The following AIG1 variants were observed in gnomAD, a reference collection of about 807,000 sequenced individuals.
AIG1 encodes the protein androgen induced 1.
AIG1 carries 23 observed loss-of-function variants against 31.4 expected under a neutral mutation model. That is an observed-to-expected ratio of 0.73 (90% CI 0.53 to 1.04). The LOEUF (loss-of-function observed/expected upper bound fraction) is 1.04, where lower values mean the gene tolerates loss of function less well. Among genes scored for constraint, AIG1 ranks in the 50% least tolerant of loss-of-function variants. The pLI is 0.00. For missense variants in AIG1, 274 were observed against 295.0 expected (o/e 0.93, Z 0.52); for synonymous variants, 100 against 110.5 (o/e 0.90, Z 0.60).
intron 1 of AIG1, among the ~76,000 whole-genome samples, chr6:143,130,515 A>T (rs1166591379): frequency 6.6e-6 from 1 of 151,472 alleles, no homozygotes; most frequent in East Asian, 2.0e-4. Flanking sequence ...AGGAGTTCGA[A>T]ACCTGCCAGT....
intron 3 of AIG1, chr6:143,189,339 C>T (rs1789578259): frequency 2.2e-6 from 2 of 916,406 alleles, no homozygotes; most frequent in African/African-American, 1.8e-5. Flanking sequence ...CCTCAGCCTT[C>T]CTGAAGTCCT....
chr6:143,061,626 A>G (rs971418081), intron 1 of AIG1: 10 of 287,438 alleles, frequency 3.5e-5, no homozygotes, highest in Admixed American at 8.9e-5. Flanking sequence ...TCAATAATTT[A>G]CTTTCAACCT....
At chr6:143,196,553 G>C (rs1213425104) in intron 3 of AIG1, among the ~76,000 whole-genome samples, 1 of 152,168 alleles carries the variant, frequency 6.6e-6, no homozygotes, top group African/African-American at 2.4e-5. Context: ...GATTCAAAAA[G>C]GGAAATGTAC....
At chr6:143,313,433 A>G (rs1339614552) in intron 4 of AIG1, among the ~76,000 whole-genome samples, 1 of 152,142 alleles carries the variant, frequency 6.6e-6, no homozygotes, top group Non-Finnish European at 1.5e-5. Flanking sequence ...TCATTACGTT[A>G]AGTGAAATAA....
At chr6:143,126,361 C>T (rs1782688532) in intron 1 of AIG1, 1 of 152,146 alleles carries the variant, frequency 6.6e-6, no homozygotes, top group Admixed American at 6.5e-5. Context: ...TCAGATGTCT[C>T]AGGCAAGGAA....
At chr6:143,094,935 A>G (rs1332400195) in intron 1 of AIG1, among the ~76,000 whole-genome samples, 1 of 152,168 alleles carries the variant, frequency 6.6e-6, no homozygotes, top group East Asian at 1.9e-4. Flanking sequence ...ACAGAGCACA[A>G]TGCCATGAGT....
At chr6:143,064,077 G>A (rs145242797) in intron 1 of AIG1, among the ~76,000 whole-genome samples, 93 of 152,296 alleles carry the variant, frequency 6.1e-4, no homozygotes, top group African/African-American at 2.1e-3. Flanking sequence ...CACTGTCTTG[G>A]TGTGGTAGGC....
At chr6:143,077,144 C>T (rs1444877849) in intron 1 of AIG1, among the ~76,000 whole-genome samples, 1 of 152,090 alleles carries the variant, frequency 6.6e-6, no homozygotes, top group Non-Finnish European at 1.5e-5. Flanking sequence ...ACTTTACCCT[C>T]CTTGATTTGT....
intron 3 of AIG1, among the ~76,000 whole-genome samples, chr6:143,226,063 C>G (rs545495720): frequency 6.6e-6 from 1 of 152,012 alleles, no homozygotes; most frequent in Non-Finnish European, 1.5e-5. Context: ...TTGTAATTGC[C>G]GGTGAATCTT....
chr6:143,068,843 A>G (rs1289843906), intron 1 of AIG1, among the ~76,000 whole-genome samples: 2 of 152,194 alleles, frequency 1.3e-5, no homozygotes, highest in Non-Finnish European at 2.9e-5. Flanking sequence ...AGAAAAAATC[A>G]TATTCTTTAA....
chr6:143,075,069 T>C (rs1777610946), intron 1 of AIG1, among the ~76,000 whole-genome samples: 1 of 152,256 alleles, frequency 6.6e-6, no homozygotes, highest in Admixed American at 6.5e-5. Flanking sequence ...ATCTTTCAAA[T>C]AATTGGTCAA....
intron 1 of AIG1, among the ~76,000 whole-genome samples, chr6:143,116,417 G>A (rs988493075): frequency 6.6e-6 from 1 of 152,052 alleles, no homozygotes; most frequent in Admixed American, 6.6e-5. Flanking sequence ...CATTTGGCAA[G>A]TATTTATTGA....
intron 4 of AIG1, among the ~76,000 whole-genome samples, chr6:143,313,536 G>A (rs1291465918): frequency 6.6e-6 from 1 of 152,078 alleles, no homozygotes; most frequent in African/African-American, 2.4e-5. Flanking sequence ...GGTAGTGGAA[G>A]GATGGTTATC....
intron 3 of AIG1, among the ~76,000 whole-genome samples, chr6:143,270,847 G>A (rs553125737): frequency 6.6e-6 from 1 of 152,322 alleles, no homozygotes; most frequent in Non-Finnish European, 1.5e-5. Flanking sequence ...TTGTGTGTGT[G>A]TGCATGGATG....
chr6:143,136,476 A>C (rs1783763194), intron 1 of AIG1, among the ~76,000 whole-genome samples: 1 of 152,186 alleles, frequency 6.6e-6, no homozygotes, highest in Non-Finnish European at 1.5e-5. Flanking sequence ...CATAGATGTG[A>C]TTTAGACATG....
chr6:143,302,659 A>G (rs936922648), intron 4 of AIG1, among the ~76,000 whole-genome samples: 5 of 152,102 alleles, frequency 3.3e-5, no homozygotes, highest in African/African-American at 7.2e-5. Flanking sequence ...AGTCTTTGCT[A>G]TTGTGAATAG....
chr6:143,289,915 T>C (rs1397152431), intron 4 of AIG1, among the ~76,000 whole-genome samples: 1 of 152,222 alleles, frequency 6.6e-6, no homozygotes, highest in Non-Finnish European at 1.5e-5. Context: ...CAGATGTTTC[T>C]TCACCAGTTA....
intron 4 of AIG1, among the ~76,000 whole-genome samples, chr6:143,323,636 T>C (rs1776392665): frequency 6.6e-6 from 1 of 152,130 alleles, no homozygotes. Flanking sequence ...TTGAGCCCTG[T>C]TTCCATCTAA....
chr6:143,120,577 G>A lies in AIG1; in HGVS notation c.142-16258G>A, dbSNP rs373777197. Among the ~76,000 whole-genome samples, 9 of 152,212 alleles carry A rather than the reference G, an allele frequency of 5.9e-5. No homozygotes were observed. The East Asian group carries it at 1.2e-3, about 20-fold the overall frequency. On this transcript the variant is annotated intron_variant, in intron 1 of 5. Coordinates refer to ENST00000357847, the MANE Select transcript of AIG1 (RefSeq NM_016108.4). ...TCTCATGAGACTTATTCACTATCAC[G>A]AGAACAGCATGGGAAAACCTGCCTC...
Sources: allele counts gnomAD v4.1 joint callset (sites outside exome capture counted in the v4.1 genomes callset), GRCh38; gene constraint gnomAD v4.1.1; transcripts MANE v1.5; gene names NCBI Gene and HGNC (gene_info 2026-07-23, HGNC 2026-07-21).